ERCC6L2: variants seen among roughly 807,000 people sequenced by gnomAD.
ERCC6L2 encodes DNA excision repair protein ERCC-6-like 2.
Under a neutral mutation model 132.0 loss-of-function variants are expected in ERCC6L2, and 77 were observed. That is an observed-to-expected ratio of 0.58 (90% confidence interval 0.49 to 0.71). The LOEUF (loss-of-function observed/expected upper bound fraction) is 0.71, where lower values mean the gene tolerates loss of function less well. Ranked by LOEUF, ERCC6L2 falls within the 30% of genes least tolerant of loss-of-function variation. The pLI is 0.00. For synonymous variants in ERCC6L2, 583 were observed against 632.4 expected (o/e 0.92, Z 1.17); for missense variants, 1,542 against 1,837.6 (o/e 0.84, Z 2.94).
rs2132606907 is a variant in ERCC6L2, at chr9:95,897,857, A to G, written c.480A>G (p.Ser160=). Residue 160 remains serine, a synonymous_variant, in exon 3 of 19, where the codon TCA becomes TCG. Coordinates refer to ENST00000653738, the MANE Select transcript of ERCC6L2 (RefSeq NM_020207.7). ...MGLGKTVQVI[S]FLAAVLHKKG... ...AAGTCTTTTTTCCCCAGGTTATTTC[A>G]TTTCTGGCTGCAGTTTTGCATAAAA... 6.2e-7 allele frequency: 1 copy of G among 1,612,524 alleles called. No homozygotes were observed. Among genetic ancestry groups the G allele is most frequent in the African/African-American group, 1.3e-5 (1 of 74,934 alleles).
At chr9:96,028,859 C>A (rs538184536) in intron 19 of ERCC6L2, among the ~76,000 whole-genome samples, 2 of 152,318 alleles carry the variant, frequency 1.3e-5, no homozygotes, top group African/African-American at 4.8e-5. Context: ...TATATTCACA[C>A]ATACTGCACA....
chr9:95,903,028 C>G (rs573545776), intron 3 of ERCC6L2, among the ~76,000 whole-genome samples: 1 of 151,960 alleles, frequency 6.6e-6, no homozygotes, highest in South Asian at 2.1e-4. Context: ...TTATGTTTGC[C>G]TAGAAAAGCC....
intron 2 of ERCC6L2, among the ~76,000 whole-genome samples, chr9:95,892,514 C>T (rs1369129714): frequency 1.3e-5 from 2 of 150,488 alleles, no homozygotes; most frequent in African/African-American, 4.9e-5. Flanking sequence ...ACCTCTGCCT[C>T]CTGGTTCAAG....
intron 13 of ERCC6L2, among the ~76,000 whole-genome samples, chr9:95,959,130 T>C (rs563446851): frequency 1.3e-5 from 2 of 151,768 alleles, no homozygotes; most frequent in African/African-American, 2.4e-5. Flanking sequence ...CTTCAAACTA[T>C]ACTACAAGGC....
intron 2 of ERCC6L2, among the ~76,000 whole-genome samples, chr9:95,886,152 A>G (rs984529850): frequency 1.3e-5 from 2 of 151,998 alleles, no homozygotes; most frequent in Admixed American, 6.6e-5. Flanking sequence ...AGTAGCTGGG[A>G]CCATAGTTGC....
downstream of ERCC6L2, chr9:96,021,281 T>G (rs932877797): frequency 2.9e-6 from 1 of 342,656 alleles, no homozygotes; most frequent in East Asian, 8.8e-5. This position sits in a 1 kb window ranked among gnomAD's most constrained non-coding sequence, Gnocchi z 4.7. Flanking sequence ...GCTGCTTTTC[T>G]CTGTAAAGAA....
chr9:95,955,865 C>T, intron 12 of ERCC6L2, 49 bp from the exon 13 acceptor site: 1 of 1,162,302 alleles, frequency 8.6e-7, no homozygotes, highest in Non-Finnish European at 1.2e-6. Flanking sequence ...CCTCTTCAAC[C>T]CAAAGTTGCT....
downstream of ERCC6L2, chr9:96,021,087 G>A (rs778594103): frequency 2.3e-6 from 1 of 437,082 alleles, no homozygotes; most frequent in South Asian, 1.6e-5. This position sits in a 1 kb window ranked among gnomAD's most constrained non-coding sequence, Gnocchi z 4.7. Context: ...CAGGGAGGCC[G>A]TTCGGCTTTC....
chr9:95,963,457 T>C (rs1430231225), intron 13 of ERCC6L2, among the ~76,000 whole-genome samples: 1 of 152,104 alleles, frequency 6.6e-6, no homozygotes, highest in African/African-American at 2.4e-5. Context: ...TACTTAAATA[T>C]ACATAAAAAC....
At chr9:96,040,013 G>A (rs533240628) in intron 20 of ERCC6L2, among the ~76,000 whole-genome samples, 58 of 151,490 alleles carry the variant, frequency 3.8e-4, no homozygotes, top group Admixed American at 9.2e-4. Context: ...GAGGCCAGGA[G>A]TTCAAGACCA....
At chr9:96,011,372 C>A (rs1034576376) in intron 18 of ERCC6L2, among the ~76,000 whole-genome samples, 2 of 152,100 alleles carry the variant, frequency 1.3e-5, no homozygotes, top group African/African-American at 4.8e-5. Flanking sequence ...CTTCATTTAA[C>A]CTTAATTACC....
chr9:96,026,440 G>GGGGGAAGCGC lies in ERCC6L2; in HGVS notation c.*1504-12423_*1504-12414dup, dbSNP rs911356027. Among the ~76,000 whole-genome samples the GGGGGAAGCGC allele has an allele frequency of 1.1e-4, 17 of 152,106 alleles. 1 individual carries two copies. The highest frequency in any genetic ancestry group is 9.8e-4 in the Admixed American group (15 of 15,280). Reference sequence around the variant, plus strand: ...CGGAGCGCCGCAGTGGGGCGGGGGTGGGGGAAGCGCGGGGAAGCGCGGAGT... The same window carrying GGGGGAAGCGC: ...CGGAGCGCCGCAGTGGGGCGGGGGTGGGGGAAGCGCGGGGAAGCGCGGGGAAGCGCGGAGT... On this transcript the variant is annotated intron_variant and NMD_transcript_variant, in intron 19 of 20. Coordinates refer to the ERCC6L2 transcript ENST00000670016.
chr9:96,036,788 A>T (rs1196066182), intron 19 of ERCC6L2, among the ~76,000 whole-genome samples: 7 of 138,740 alleles, frequency 5.0e-5, no homozygotes, highest in African/African-American at 1.6e-4. Context: ...TTTTTTTGAG[A>T]CGGAGTCTCA....
At chr9:95,960,712 C>G (rs1246524977) in intron 13 of ERCC6L2, among the ~76,000 whole-genome samples, 1 of 152,056 alleles carries the variant, frequency 6.6e-6, no homozygotes, top group Non-Finnish European at 1.5e-5. Context: ...ATTTCTGGCT[C>G]CCAGAACTGT....
At chr9:95,969,008 C>T (rs1832290492) in intron 14 of ERCC6L2, among the ~76,000 whole-genome samples, 1 of 152,104 alleles carries the variant, frequency 6.6e-6, no homozygotes, top group Admixed American at 6.5e-5. Flanking sequence ...AGGAAGCCCT[C>T]ACTCTGAAGG....
At chr9:95,988,207 A>G (rs1588027184) in intron 17 of ERCC6L2, among the ~76,000 whole-genome samples, 1 of 152,194 alleles carries the variant, frequency 6.6e-6, no homozygotes, top group Admixed American at 6.5e-5. Flanking sequence ...TAATTATTCT[A>G]ATTTGTTGGT....
At chr9:95,976,187 C>T (rs1420863019) in intron 16 of ERCC6L2, among the ~76,000 whole-genome samples, 3 of 152,178 alleles carry the variant, frequency 2.0e-5, no homozygotes, top group Admixed American at 6.6e-5. Context: ...GAGTGCTGCA[C>T]TGTGGTGGGC....
chr9:95,943,502 A>C (rs139574998), intron 12 of ERCC6L2, among the ~76,000 whole-genome samples: 1 of 152,204 alleles, frequency 6.6e-6, no homozygotes, highest in African/African-American at 2.4e-5. Context: ...ATGGGACTCA[A>C]CATTCTACGT....
chr9:95,921,113 T>C, intron 6 of ERCC6L2, 62 bp from the exon 7 acceptor site: 2 of 1,441,656 alleles, frequency 1.4e-6, no homozygotes, highest in South Asian at 1.3e-5. Context: ...AGATGTAGAT[T>C]ATGATTTTTA....
Sources: gnomAD v4.1 joint callset for allele counts (sites outside exome capture counted in the v4.1 genomes callset) on GRCh38, gnomAD v4.1.1 for gene constraint, Gnocchi (gnomAD v3.1) non-coding constraint, MANE v1.5 for transcripts, NCBI Gene and HGNC (gene_info 2026-07-23, HGNC 2026-07-21) for gene names.